HYDIN: variants seen among roughly 807,000 people sequenced by gnomAD.
The protein encoded by HYDIN is axonemal central pair apparatus protein HYDIN.
Under a neutral mutation model 403.9 loss-of-function variants are expected in HYDIN, and 132 were observed. The ratio of observed to expected loss-of-function variants is 0.33; its 90% confidence interval spans 0.28 to 0.38. HYDIN has a LOEUF of 0.38. Ranked by LOEUF, HYDIN falls within the 10% of genes least tolerant of loss-of-function variation. The pLI, the probability that HYDIN is intolerant of heterozygous loss-of-function variation, is 1.00. For synonymous variants in HYDIN, 1,202 were observed against 1,891.7 expected (o/e 0.64, Z 9.46); for missense variants, 2,827 against 5,009.5 (o/e 0.56, Z 13.15).
intron 1 of HYDIN, among the ~76,000 whole-genome samples, chr16:71,208,756 A>G (rs1364225025): frequency 6.6e-6 from 1 of 152,200 alleles, no homozygotes; most frequent in Admixed American, 6.5e-5. Context: ...ACAAATAACC[A>G]TCAGAGACTC....
chr16:70,863,055 G>T, intron 68 of HYDIN, 30 bp downstream of exon 68: 2 of 1,610,270 alleles, frequency 1.2e-6, no homozygotes, highest in Non-Finnish European at 1.7e-6. Flanking sequence ...CTCAGGCCAG[G>T]CCCTGGGTTT....
intron 13 of HYDIN, among the ~76,000 whole-genome samples, chr16:71,073,597 T>A (rs959431573): frequency 6.6e-6 from 1 of 152,174 alleles, no homozygotes; most frequent in African/African-American, 2.4e-5. Context: ...CAATAACTTC[T>A]CTGTCCACAT....
In HYDIN at chr16:70,860,216, G is replaced by C; in HGVS notation, c.11991-10C>G. On this transcript the variant is annotated splice_polypyrimidine_tract_variant and intron_variant, in intron 70 of 85. Coordinates refer to ENST00000393567, the MANE Select transcript of HYDIN (RefSeq NM_001270974.2). Reference sequence around the variant, plus strand: ...TAGGATGGTAAAGGTCCTGGCCAGGGTGGAGAGAATTGACAGAAGAGAGTG... The same window carrying C: ...TAGGATGGTAAAGGTCCTGGCCAGGCTGGAGAGAATTGACAGAAGAGAGTG... 1 of 1,610,088 alleles carries C rather than the reference G, an allele frequency of 6.2e-7. No individual in the cohort carries two copies. Among genetic ancestry groups the C allele is most frequent in the East Asian group, 2.2e-5 (1 of 44,862 alleles).
Position 71,230,700 on chromosome 16 carries a change from C to T in HYDIN, c.-162G>A. 1 of 1,536,058 alleles carries T rather than the reference C, an allele frequency of 6.5e-7. No homozygotes were observed. The highest frequency in any genetic ancestry group is 8.7e-7 in the Non-Finnish European group (1 of 1,146,884). ...CCGCACTCTCCATGCGCCGCCCGAG[C>T]TGTTGCCGTCCGTTGCCACGGTAAC... On this transcript the variant is annotated 5_prime_UTR_variant, in exon 1 of 86. Coordinates refer to ENST00000393567, the MANE Select transcript of HYDIN (RefSeq NM_001270974.2).
At chr16:71,070,624 C>T (rs1344497301) in intron 13 of HYDIN, among the ~76,000 whole-genome samples, 2 of 133,028 alleles carry the variant, frequency 1.5e-5, no homozygotes, top group Non-Finnish European at 3.1e-5. Context: ...CAACAGTGCC[C>T]GGCCACTAAA....
chr16:71,196,715 G>T (rs1423760090), intron 1 of HYDIN, among the ~76,000 whole-genome samples: 1 of 152,178 alleles, frequency 6.6e-6, no homozygotes, highest in Admixed American at 6.5e-5. Context: ...TAAAGACCTT[G>T]CTGATAAAAC....
At chr16:71,007,373 T>C (rs2079921361) in intron 23 of HYDIN, among the ~76,000 whole-genome samples, 1 of 152,116 alleles carries the variant, frequency 6.6e-6, no homozygotes, top group Admixed American at 6.6e-5. Context: ...AATATTCAGG[T>C]AGAGTGTTCA....
intron 10 of HYDIN, chr16:71,113,452 A>C (rs531018707): frequency 4.6e-5 from 7 of 152,308 alleles, no homozygotes; most frequent in African/African-American, 1.7e-4. Context: ...CTTCTATTAA[A>C]TATCTATCCC....
intron 1 of HYDIN, among the ~76,000 whole-genome samples, chr16:71,218,308 T>C (rs186755163): frequency 2.1e-4 from 32 of 152,282 alleles, no homozygotes; most frequent in African/African-American, 7.5e-4. Flanking sequence ...AAACCCATGT[T>C]TGGAAGTCCT....
Position 70,943,931 on chromosome 16 carries a change from G to C in HYDIN, c.6550C>G (p.Pro2184Ala). The change falls in exon 42 of 86, where the codon CCC becomes GCC. Residue 2184 changes from proline to alanine, a missense_variant. Pro to Ala is a conservative substitution (Grantham distance 27). Coordinates refer to ENST00000393567, the MANE Select transcript of HYDIN (RefSeq NM_001270974.2). Reference sequence around the variant, plus strand: ...AGCCAGCGGTGGATGGGCCCCGGGGGGAGAGGGCTGGAGGAAATCTGTTGA... The same window carrying C: ...AGCCAGCGGTGGATGGGCCCCGGGGCGAGAGGGCTGGAGGAAATCTGTTGA... ...ETPQISSSPL[P>A]PGPIHRWLSV... 2 of 1,608,474 alleles carry C rather than the reference G, an allele frequency of 1.2e-6. No homozygotes were observed. Among genetic ancestry groups the C allele is most frequent in the African/African-American group, 2.7e-5 (2 of 74,964 alleles).
rs2086796526 is a variant in HYDIN, at chr16:71,179,022, G to A, written c.287C>T (p.Ala96Val). ...TTCTGATGGAAAGGGCTGGAATAAT[G>A]CCTGATCCAGGTCAATTCCTGAAAA... Reference protein sequence around the residue: ...QKFSGIDLDQALFQPFPSEII... With the variant: ...QKFSGIDLDQVLFQPFPSEII... The change falls in exon 4 of 86, where the codon GCA (alanine) becomes GTA (valine). Residue 96 changes from alanine to valine, a missense_variant. Physicochemically the swap from Ala to Val is moderately conservative, Grantham distance 64 (BLOSUM62 0). Coordinates refer to ENST00000393567, the MANE Select transcript of HYDIN (RefSeq NM_001270974.2). 1.2e-6 allele frequency: 2 copies of A among 1,611,394 alleles called. No individual in the cohort carries two copies. The highest frequency in any genetic ancestry group is 1.7e-6 in the Non-Finnish European group (2 of 1,178,092).
At chr16:71,082,225 G>A (rs1349089280) in intron 12 of HYDIN, among the ~76,000 whole-genome samples, 1 of 152,082 alleles carries the variant, frequency 6.6e-6, no homozygotes, top group African/African-American at 2.4e-5. Context: ...TTAATGTGTG[G>A]AGCTGAGAAC....
intron 63 of HYDIN, 109 bp from the exon 64 acceptor site, chr16:70,874,701 C>T: frequency 5.6e-6 from 7 of 1,252,806 alleles, no homozygotes; most frequent in Non-Finnish European, 7.6e-6. Flanking sequence ...CGAGCCTTAG[C>T]TAGAGGCCAG....
At chr16:71,068,206 T>C (rs899815634) in intron 14 of HYDIN, among the ~76,000 whole-genome samples, 25 of 149,138 alleles carry the variant, frequency 1.7e-4, no homozygotes, top group African/African-American at 5.6e-4. Context: ...CAAAATTGTA[T>C]GTACTGGAAG....
intron 67 of HYDIN, among the ~76,000 whole-genome samples, chr16:70,865,880 G>T (rs1390148643): frequency 6.6e-6 from 1 of 152,242 alleles, no homozygotes; most frequent in Non-Finnish European, 1.5e-5. Flanking sequence ...CAGATCCTGG[G>T]TGGCTGTGTA....
chr16:71,156,885 T>C, intron 6 of HYDIN, among the ~76,000 whole-genome samples: 1 of 152,160 alleles, frequency 6.6e-6, no homozygotes, highest in African/African-American at 2.4e-5. Context: ...TTAGGTCAAA[T>C]TTAACAATAA....
At chr16:71,201,541 T>G (rs1245907348) in intron 1 of HYDIN, among the ~76,000 whole-genome samples, 1 of 152,098 alleles carries the variant, frequency 6.6e-6, no homozygotes, top group Non-Finnish European at 1.5e-5. Flanking sequence ...ACACAGCACA[T>G]GACCCAAGCC....
At chr16:71,062,550 A>G (rs1483700552) in intron 16 of HYDIN, 2 of 497,940 alleles carry the variant, frequency 4.0e-6, no homozygotes, top group Non-Finnish European at 7.1e-6. Flanking sequence ...CCAGCACAGC[A>G]AGATGCAGAA....
chr16:70,957,662 A>G (rs1253872717), intron 39 of HYDIN, among the ~76,000 whole-genome samples: 3 of 146,070 alleles, frequency 2.1e-5, no homozygotes, highest in African/African-American at 7.7e-5. Flanking sequence ...GCATTGCATC[A>G]TACCATATTT....
Sources: allele counts gnomAD v4.1 joint callset (sites outside exome capture counted in the v4.1 genomes callset), GRCh38; gene constraint gnomAD v4.1.1; transcripts MANE v1.5; gene names NCBI Gene and HGNC (gene_info 2026-07-23, HGNC 2026-07-21).